NAP1L1: variants seen among roughly 807,000 people sequenced by gnomAD.
NAP1L1 encodes nucleosome assembly protein 1-like 1.
Under a neutral mutation model 58.9 loss-of-function variants are expected in NAP1L1, and 9 were observed. The ratio of observed to expected loss-of-function variants is 0.15; its 90% CI spans 0.09 to 0.27. The LOEUF (loss-of-function observed/expected upper bound fraction) is 0.27, where lower values mean the gene tolerates loss of function less well. NAP1L1 is among the 10% of genes least tolerant of loss of function. The probability of loss-of-function intolerance (pLI) is 1.00; values close to 1 mark genes in which losing one functional copy is unlikely to be tolerated. For synonymous variants in NAP1L1, 130 were observed against 138.3 expected, an observed-to-expected ratio of 0.94 and a Z score of 0.42; for missense variants, 302 against 458.8, an observed-to-expected ratio of 0.66 and a Z score of 3.12.
At position 76,045,632 on chromosome 12, in the gene NAP1L1, A is replaced by G. The variant is rs1257781674; in HGVS notation, c.*2797T>C. 1.3e-5 allele frequency: 2 copies of G among 152,080 alleles called. No individual in the cohort carries two copies. The highest frequency in any genetic ancestry group is 2.1e-4 in the South Asian group (1 of 4,834). 9.4% of individuals were successfully genotyped at this position (152,080 alleles called of 1,614,324 possible). Reference sequence around the variant, plus strand: ...AATTAAGGTATTTTTGCAATCTAAAATAGTGATGCTAATACTGCTTCAGTA... The same window carrying G: ...AATTAAGGTATTTTTGCAATCTAAAGTAGTGATGCTAATACTGCTTCAGTA... On this transcript the variant is annotated 3_prime_UTR_variant, in exon 15 of 15. Coordinates refer to ENST00000618691, the MANE Select transcript of NAP1L1 (RefSeq NM_004537.7).
chr12:76,067,998 A>G (rs1949763687), intron 3 of NAP1L1, among the ~76,000 whole-genome samples: 1 of 152,220 alleles, frequency 6.6e-6, no homozygotes, highest in East Asian at 1.9e-4. Context: ...ACTGTAACTA[A>G]AGCCAAACAA....
intron 2 of NAP1L1, chr12:76,073,981 G>A (rs1950078819): frequency 4.9e-6 from 2 of 408,088 alleles, no homozygotes; most frequent in Admixed American, 8.5e-5. Context: ...AGTGACAAAT[G>A]GTTTAGTATA....
Position 76,053,879 on chromosome 12 carries a change from T to C in NAP1L1, c.661A>G (p.Asn221Asp), listed in dbSNP as rs749935267. 6.3e-7 allele frequency: 1 copy of C among 1,596,316 alleles called. No homozygotes were observed. Among genetic ancestry groups the C allele is most frequent in the Non-Finnish European group, 8.5e-7 (1 of 1,175,580 alleles). The change falls in exon 9 of 15, where the codon AAT (asparagine) becomes GAT (aspartate). Residue 221 changes from asparagine (N) to aspartate (D), a missense_variant. Coordinates refer to ENST00000618691, the MANE Select transcript of NAP1L1 (RefSeq NM_004537.7). ...AGCACTTCATTTGTAAAATATTCAT[T>C]GGGTTCAAAGTGAAATTCTAAGACA... ...SFVLEFHFEP[N>D]EYFTNEVLTK... is the part of the protein sequence containing the mutation.
intron 6 of NAP1L1, among the ~76,000 whole-genome samples, chr12:76,059,205 G>A (rs1395814394): frequency 6.6e-5 from 10 of 152,220 alleles, no homozygotes; most frequent in Non-Finnish European, 1.0e-4. Flanking sequence ...GTTTAAAGAT[G>A]TGGTATGCAT....
chr12:76,063,241 A>G (rs1461640870), intron 4 of NAP1L1, among the ~76,000 whole-genome samples: 1 of 152,212 alleles, frequency 6.6e-6, no homozygotes, highest in Non-Finnish European at 1.5e-5. Flanking sequence ...CAGAGAAAGC[A>G]CATTTATGAA....
chr12:76,066,841 G>C (rs192757986), intron 4 of NAP1L1, among the ~76,000 whole-genome samples: 2 of 152,116 alleles, frequency 1.3e-5, no homozygotes, highest in East Asian at 1.9e-4. Flanking sequence ...CATGTACAAA[G>C]ATGTCTATAA....
At chr12:76,071,466 G>GT (rs947051801) in intron 2 of NAP1L1, among the ~76,000 whole-genome samples, 7 of 152,058 alleles carry the variant, frequency 4.6e-5, no homozygotes, top group Admixed American at 2.6e-4. Flanking sequence ...ATGATAAAGG[G>GT]TTTTTTTGTT....
chr12:76,083,310 A>G (rs1950478012), intron 1 of NAP1L1, among the ~76,000 whole-genome samples: 1 of 152,158 alleles, frequency 6.6e-6, no homozygotes, highest in South Asian at 2.1e-4. Flanking sequence ...GAACTAATTT[A>G]TAAGACAGCC....
chr12:76,049,392 T>C (rs1948718559), intron 13 of NAP1L1, 142 bp from the exon 14 acceptor site: 2 of 1,539,920 alleles, frequency 1.3e-6, no homozygotes, highest in Admixed American at 3.9e-5. Flanking sequence ...TACAATTTAA[T>C]TTGAAAGCTT....
In NAP1L1 at chr12:76,042,559, A is replaced by C. The variant is rs925644076; in HGVS notation, c.*5870T>G. Reference sequence around the variant, plus strand: ...TTATTCCTATAGAGCAACCTCATCTACTTTCCTAGTTGGATCAACTGATTC... The same window carrying C: ...TTATTCCTATAGAGCAACCTCATCTCCTTTCCTAGTTGGATCAACTGATTC... On this transcript the variant is annotated 3_prime_UTR_variant, in exon 15 of 15. Transcript: ENST00000618691. 1.6e-4 allele frequency: 25 copies of C among 152,238 alleles called. 1 individual carries two copies. Among genetic ancestry groups the C allele is most frequent in the Admixed American group, 1.6e-3 (24 of 15,280 alleles). The allele number at this position is 152,238 out of a possible 1,614,324, so 9.4% of individuals were successfully genotyped here. A position where few individuals can be genotyped will look rare whatever the true frequency, so the allele number is the denominator to read the frequency against.
chr12:76,074,997 C>T (rs1950116221), intron 1 of NAP1L1, among the ~76,000 whole-genome samples: 1 of 152,160 alleles, frequency 6.6e-6, no homozygotes, highest in Admixed American at 6.6e-5. Flanking sequence ...ATCCTAAGTT[C>T]CTTCTCACTA....
rs1041895392 is a variant in NAP1L1 at position 76,084,586 on chromosome 12, C to G, written c.-40G>C. ...CGTTACCGGCGACTAGTATGGGGAG[C>G]CAGGCGGCCGGAGCTGCGCAGGCAG... On this transcript the variant is annotated 5_prime_UTR_variant, in exon 1 of 15. Transcript: ENST00000618691. 1 of 152,414 alleles carries G rather than the reference C, an allele frequency of 6.6e-6. No homozygotes were observed. The highest frequency in any genetic ancestry group is 1.5e-5 in the Non-Finnish European group (1 of 68,342). 9.4% of individuals were successfully genotyped at this position (152,414 alleles called of 1,614,324 possible).
At position 76,042,971 on chromosome 12, in the gene NAP1L1, C is replaced by A. The variant is rs1197555040; in HGVS notation, c.*5458G>T. On this transcript the variant is annotated 3_prime_UTR_variant, in exon 15 of 15. Transcript: ENST00000618691. ...AATATTGATAAGTTACCCCAAAACA[C>A]CAATCTGGAGTTTGACTAAGGGGAT... 3 of 152,196 alleles carry A rather than the reference C, an allele frequency of 2.0e-5. No homozygotes were observed. The allele number at this position is 152,196 out of a possible 1,614,324, so 9.4% of individuals were successfully genotyped here.
In NAP1L1 at chr12:76,041,476, G is replaced by C. The variant is rs1050630897; in HGVS notation, c.*6953C>G. 1.2e-4 allele frequency: 19 copies of C among 152,346 alleles called. No individual in the cohort carries two copies. The highest frequency in any genetic ancestry group is 4.1e-4 in the African/African-American group (17 of 41,576). The allele number at this position is 152,346 out of a possible 1,614,324, so 9.4% of individuals were successfully genotyped here. On this transcript the variant is annotated 3_prime_UTR_variant, in exon 15 of 15. Coordinates refer to ENST00000618691, the MANE Select transcript of NAP1L1 (RefSeq NM_004537.7). ...AAGGCAGCCAAGCAGAGCTGAAATAGTGCAAATGCAGGTTAAATACAGTGG... is the reference window on the plus strand; with the variant it reads ...AAGGCAGCCAAGCAGAGCTGAAATACTGCAAATGCAGGTTAAATACAGTGG...
chr12:76,082,709 G>C (rs1950456087), intron 1 of NAP1L1, among the ~76,000 whole-genome samples: 1 of 152,152 alleles, frequency 6.6e-6, no homozygotes, highest in Admixed American at 6.6e-5. Context: ...TGAAACACAA[G>C]AGTGCCTTGA....
intron 2 of NAP1L1, among the ~76,000 whole-genome samples, chr12:76,072,333 C>T (rs933745405): frequency 3.5e-5 from 5 of 144,890 alleles, no homozygotes; most frequent in Admixed American, 2.0e-4. Context: ...ACAGGAAGAA[C>T]GAAGCAGGTC....
At chr12:76,065,776 T>G (rs540491531) in intron 4 of NAP1L1, among the ~76,000 whole-genome samples, 1 of 152,102 alleles carries the variant, frequency 6.6e-6, no homozygotes, top group Non-Finnish European at 1.5e-5. Context: ...CCTATCAACG[T>G]TTTAAGGTTT....
In NAP1L1 at chr12:76,081,077, T is replaced by TC. The variant is rs1207472637; in HGVS notation, c.-21+3489dup. ...GCCTCTATAACTGCAAGAAATAAAT[T>TC]CTTTTTTTTTAAATAAATTACTCAG... On this transcript the variant is annotated intron_variant, in intron 1 of 14. Coordinates refer to ENST00000618691, the MANE Select transcript of NAP1L1 (RefSeq NM_004537.7). Among the ~76,000 whole-genome samples, 8 of 41,840 alleles carry TC rather than the reference T, an allele frequency of 1.9e-4. 1 individual carries two copies. In the East Asian group the frequency reaches 0.041, roughly 215 times the overall value. 27.4% of individuals were successfully genotyped at this position (41,840 alleles called of 152,430 possible).
chr12:76,067,304 C>G, intron 4 of NAP1L1, 67 bp downstream of exon 4: 4 of 1,215,648 alleles, frequency 3.3e-6, no homozygotes, highest in Non-Finnish European at 4.8e-6. Flanking sequence ...CCTAGATGGT[C>G]TTAAAAATAG....
Sources: allele counts gnomAD v4.1 joint callset (sites outside exome capture counted in the v4.1 genomes callset), GRCh38; gene constraint gnomAD v4.1.1; transcripts MANE v1.5; gene names NCBI Gene and HGNC (gene_info 2026-07-23, HGNC 2026-07-21).